EGF: variants seen among roughly 807,000 people sequenced by gnomAD.
The protein encoded by EGF is pro-epidermal growth factor.
A neutral mutation model predicts 143.8 loss-of-function variants in EGF; 95 were observed. That is an observed-to-expected ratio of 0.66 (90% CI 0.56 to 0.78). EGF has a LOEUF of 0.78. Ranked by LOEUF, EGF falls within the 30% of genes least tolerant of loss-of-function variation. EGF has a pLI of 0.00. For missense variants in EGF, 1,320 were observed against 1,470.9 expected, an observed-to-expected ratio of 0.90 and a Z score of 1.68; for synonymous variants, 510 against 510.5, an observed-to-expected ratio of 1.00 and a Z score of 0.01.
At chr4:109,928,324 G>T (rs1432099180) in intron 1 of EGF, among the ~76,000 whole-genome samples, 1 of 152,200 alleles carries the variant, frequency 6.6e-6, no homozygotes, top group Non-Finnish European at 1.5e-5. Flanking sequence ...AGTAGGGTAA[G>T]GTGGGGTTAG....
chr4:109,918,486 A>G (rs1737109000), intron 1 of EGF, among the ~76,000 whole-genome samples: 2 of 152,064 alleles, frequency 1.3e-5, no homozygotes. Flanking sequence ...CTGCACCTCT[A>G]TCATATGTTC....
At chr4:109,958,917 CA>C (rs57909689) in intron 5 of EGF, among the ~76,000 whole-genome samples, 32,652 of 98,780 alleles carry the variant, frequency 0.33, 3,182 homozygotes, top group Middle Eastern at 0.4. Flanking sequence ...GACCCTGTCT[CA>C]AAAAAAAAAA....
At chr4:109,995,941 G>A (rs1751737022) in intron 20 of EGF, among the ~76,000 whole-genome samples, 1 of 152,158 alleles carries the variant, frequency 6.6e-6, no homozygotes, top group African/African-American at 2.4e-5. Flanking sequence ...AAATGACTCA[G>A]TCCTTATAGA....
Position 109,969,016 on chromosome 4 carries a change from A to G in EGF, c.1621A>G (p.Met541Val). 6.2e-7 allele frequency: 1 copy of G among 1,614,180 alleles called. No homozygotes were observed. The highest frequency in any genetic ancestry group is 8.5e-7 in the Non-Finnish European group (1 of 1,180,010). Residue 541 changes from methionine (M) to valine (V), a missense_variant, in exon 11 of 24, where the codon ATG becomes GTG. Met to Val is a conservative substitution (Grantham distance 21, BLOSUM62 1). Coordinates refer to ENST00000265171, the MANE Select transcript of EGF (RefSeq NM_001963.6). ...CCTGAAGTGGATAGAGAGAGCTAAT[A>G]TGGATGGTTCCCAGCGAGAAAGGCT... ...TALKWIERAN[M>V]DGSQRERLIE...
chr4:109,991,497 C>T (rs907303220), intron 18 of EGF, among the ~76,000 whole-genome samples: 26 of 151,866 alleles, frequency 1.7e-4, no homozygotes, highest in Non-Finnish European at 2.5e-4. Flanking sequence ...TTAGGCATGG[C>T]GCGGAGGAAA....
rs1057325007 is a variant in EGF, at chr4:109,992,975, A to G, written c.2735-272A>G. 3.7e-4 allele frequency among the ~76,000 whole-genome samples: 54 copies of G among 146,616 alleles called. 1 individual carries two copies. The highest frequency in any genetic ancestry group is 1.1e-3 in the South Asian group (5 of 4,714). ...GGTGGGGGGAGGGGGGAGGGATAGC[A>G]TTAGGAGATACACCTAAAATAAATG... On this transcript the variant is annotated intron_variant, in intron 18 of 23. Coordinates refer to ENST00000265171, the MANE Select transcript of EGF (RefSeq NM_001963.6).
chr4:110,010,803 G>A (rs911932925), intron 23 of EGF, among the ~76,000 whole-genome samples: 2 of 152,154 alleles, frequency 1.3e-5, no homozygotes, highest in East Asian at 1.9e-4. Context: ...TCTCATACCT[G>A]TAATTCTAGC....
In EGF at chr4:109,987,824, T is replaced by C. The variant is rs758145480; in HGVS notation, c.2572T>C (p.Leu858=). ...SEGEDATCQC[L]KGFAGDGKLC... is the part of the protein sequence containing the mutation. ...GGGAGAGGATGCCACATGTCAGTGTTTGAAAGGATTTGCTGGGGATGGAAA... is the reference window on the plus strand; with the variant it reads ...GGGAGAGGATGCCACATGTCAGTGTCTGAAAGGATTTGCTGGGGATGGAAA... Residue 858 remains leucine (L), a synonymous_variant, in exon 17 of 24, where the codon TTG becomes CTG. Coordinates refer to ENST00000265171, the MANE Select transcript of EGF (RefSeq NM_001963.6). 15 of 1,613,784 alleles carry C rather than the reference T, an allele frequency of 9.3e-6. No individual in the cohort carries two copies. Among genetic ancestry groups the C allele is most frequent in the South Asian group, 5.5e-5 (5 of 91,090 alleles).
intron 18 of EGF, among the ~76,000 whole-genome samples, chr4:109,990,648 G>A (rs1017113305): frequency 1.3e-5 from 2 of 152,158 alleles, no homozygotes; most frequent in Non-Finnish European, 2.9e-5. Context: ...TCCTCTCATG[G>A]TTCTGGAGGC....
Position 110,004,654 on chromosome 4 carries a change from T to C in EGF, c.3291+32T>C, listed in dbSNP as rs771261683. ...TGACCAAAGCAGATGAAGCAAGGAA[T>C]TGGCTTGATATTAACCCCTATTCAT... On this transcript the variant is annotated intron_variant, in intron 22 of 23. Coordinates refer to ENST00000265171, the MANE Select transcript of EGF (RefSeq NM_001963.6). 2.5e-6 allele frequency: 4 copies of C among 1,594,642 alleles called. No homozygotes were observed. In the Admixed American group the frequency reaches 5.0e-5, roughly 20 times the overall value.
At chr4:109,924,577 G>A (rs969497835) in intron 1 of EGF, among the ~76,000 whole-genome samples, 13 of 147,584 alleles carry the variant, frequency 8.8e-5, no homozygotes, top group African/African-American at 3.5e-4. Flanking sequence ...GGGCTCCAGA[G>A]CTCAGTCAGC....
chr4:109,941,071 G>A lies in EGF; in HGVS notation c.253G>A (p.Glu85Lys). The A allele has an allele frequency of 6.2e-7, 1 of 1,613,970 alleles. No homozygotes were observed. Among genetic ancestry groups the A allele is most frequent in the Non-Finnish European group, 8.5e-7 (1 of 1,179,958 alleles). ...AGTGATCATGGATTTTCATTATAAT[G>A]AGAAAAGAATCTATTGGGTGGATTT... The part of the protein sequence containing the change: ...VSVIMDFHYN[E>K]KRIYWVDLER... The change falls in exon 2 of 24, where the codon GAG becomes AAG. Residue 85 changes from glutamate (E) to lysine (K), a missense_variant. Physicochemically the swap from Glu to Lys is moderately conservative, Grantham distance 56. This residue lies in a region of EGF where 41 missense variants were observed against 38.1 expected (regional missense o/e 1.07). Coordinates refer to ENST00000265171, the MANE Select transcript of EGF (RefSeq NM_001963.6).
intron 4 of EGF, among the ~76,000 whole-genome samples, chr4:109,944,390 T>C (rs7680062): frequency 6.6e-6 from 1 of 151,900 alleles, no homozygotes. Context: ...AGTGAGCCGA[T>C]ATCGTGCCAC....
At chr4:110,000,505 T>G (rs1031506663) in intron 21 of EGF, among the ~76,000 whole-genome samples, 1 of 152,218 alleles carries the variant, frequency 6.6e-6, no homozygotes, top group Admixed American at 6.5e-5. Context: ...ATTGAGTTGA[T>G]TTTCCACAAA....
intron 18 of EGF, among the ~76,000 whole-genome samples, chr4:109,989,478 A>G (rs1750634475): frequency 6.6e-6 from 1 of 152,204 alleles, no homozygotes; most frequent in Non-Finnish European, 1.5e-5. Flanking sequence ...AACTGATAAG[A>G]AGCTCAAATG....
intron 1 of EGF, among the ~76,000 whole-genome samples, chr4:109,921,118 A>G (rs1737717093): frequency 6.6e-6 from 1 of 151,660 alleles, no homozygotes; most frequent in Non-Finnish European, 1.5e-5. Flanking sequence ...CTCTTGTTTT[A>G]TATGGCCAAA....
chr4:109,984,346 G>A (rs550584749), intron 16 of EGF, among the ~76,000 whole-genome samples: 4 of 151,932 alleles, frequency 2.6e-5, no homozygotes, highest in East Asian at 1.9e-4. Flanking sequence ...GTTGATGTAC[G>A]TGGCTCTGGG....
At chr4:109,955,260 A>G (rs892443561) in intron 5 of EGF, among the ~76,000 whole-genome samples, 8 of 152,166 alleles carry the variant, frequency 5.3e-5, no homozygotes, top group Non-Finnish European at 8.8e-5. Flanking sequence ...GGTGGTGGAC[A>G]TTAAACTCCA....
intron 18 of EGF, among the ~76,000 whole-genome samples, chr4:109,992,975 A>C (rs1057325007): frequency 3.4e-5 from 5 of 146,524 alleles, no homozygotes; most frequent in Non-Finnish European, 5.9e-5. Flanking sequence ...GAGGGATAGC[A>C]TTAGGAGATA....
Sources: gnomAD v4.1 joint callset for allele counts (sites outside exome capture counted in the v4.1 genomes callset) on GRCh38, gnomAD v4.1.1 for gene constraint, gnomAD v4.1.1 regional missense constraint, MANE v1.5 for transcripts, NCBI Gene and HGNC (gene_info 2026-07-23, HGNC 2026-07-21) for gene names.